Variants in GLIS3 observed in about 807,000 individuals in gnomAD.
GLIS3 encodes zinc finger protein GLIS3.
A neutral mutation model predicts 78.6 loss-of-function variants in GLIS3; 53 were observed. That is an observed-to-expected ratio of 0.67 (90% CI 0.54 to 0.85). GLIS3 has a LOEUF of 0.85. Among genes scored for constraint, GLIS3 ranks in the 40% least tolerant of loss-of-function variants. GLIS3 has a pLI of 0.00. For synonymous variants in GLIS3, 684 were observed against 509.9 expected, an observed-to-expected ratio of 1.34 and a Z score of -4.60; for missense variants, 1,703 against 1,231.1, an observed-to-expected ratio of 1.38 and a Z score of -5.74.
chr9:4,449,885 G>T, the GLIS3 span, among the ~76,000 whole-genome samples: 52 of 150,646 alleles, frequency 3.5e-4, no homozygotes, highest in African/African-American at 1.3e-3. Context: ...CACAAAGATG[G>T]GGAGAAACTA....
intron 2 of GLIS3, among the ~76,000 whole-genome samples, chr9:4,244,408 T>C (rs1030804287): frequency 7.2e-5 from 11 of 152,216 alleles, no homozygotes; most frequent in African/African-American, 2.7e-4. Flanking sequence ...CGTATGCTGT[T>C]AGTATTTACA....
intron 2 of GLIS3, among the ~76,000 whole-genome samples, chr9:4,345,101 CG>C (rs1563940307): frequency 6.6e-6 from 1 of 152,176 alleles, no homozygotes; most frequent in Non-Finnish European, 1.5e-5. Flanking sequence ...TTCAAGTCTC[CG>C]CAAGTTTCCC....
At chr9:4,161,200 G>C (rs537590804) in intron 2 of GLIS3, among the ~76,000 whole-genome samples, 2 of 152,176 alleles carry the variant, frequency 1.3e-5, no homozygotes, top group African/African-American at 2.4e-5. Context: ...TTAAGCCCAG[G>C]AGACCAAGGC....
intron 2 of GLIS3, among the ~76,000 whole-genome samples, chr9:4,156,271 C>A (rs866604477): frequency 2.0e-5 from 3 of 152,094 alleles, no homozygotes; most frequent in Non-Finnish European, 2.9e-5. Flanking sequence ...TATCTTAATT[C>A]TTTAATGCAG....
At chr9:4,242,673 C>T (rs1823428286) in intron 2 of GLIS3, among the ~76,000 whole-genome samples, 1 of 152,198 alleles carries the variant, frequency 6.6e-6, no homozygotes, top group Admixed American at 6.5e-5. Flanking sequence ...AAGCCACTAA[C>T]TGCATGTGGC....
intron 4 of GLIS3, among the ~76,000 whole-genome samples, chr9:3,953,976 G>GT (rs1480028735): frequency 1.3e-5 from 2 of 151,818 alleles, no homozygotes; most frequent in African/African-American, 2.4e-5. Context: ...ACAATACCAC[G>GT]TTTTTTTCCC....
intron 2 of GLIS3, among the ~76,000 whole-genome samples, chr9:4,223,798 T>C (rs1437398694): frequency 6.6e-6 from 1 of 152,126 alleles, no homozygotes; most frequent in Non-Finnish European, 1.5e-5. Flanking sequence ...TGGTTTTGAG[T>C]ACTAAGGATA....
intron 7 of GLIS3, among the ~76,000 whole-genome samples, chr9:3,880,205 G>A (rs1353219998): frequency 6.6e-6 from 1 of 152,200 alleles, no homozygotes; most frequent in African/African-American, 2.4e-5. Flanking sequence ...CATCAAAGGA[G>A]TCTCTCAAAC....
At chr9:4,094,779 CTTATT>C (rs2130772476) in intron 4 of GLIS3, among the ~76,000 whole-genome samples, 1 of 152,272 alleles carries the variant, frequency 6.6e-6, no homozygotes, top group East Asian at 1.9e-4. Flanking sequence ...GATCCGATGG[CTTATT>C]TTAATGTAGC....
chr9:4,316,783 CTTAG>C (rs897685962), intron 2 of GLIS3, among the ~76,000 whole-genome samples: 11 of 152,300 alleles, frequency 7.2e-5, no homozygotes, highest in East Asian at 1.9e-4. Context: ...ACATAATTAT[CTTAG>C]TTATTTTTAT....
At chr9:3,991,245 G>C in intron 4 of GLIS3, among the ~76,000 whole-genome samples, 1 of 152,058 alleles carries the variant, frequency 6.6e-6, no homozygotes, top group East Asian at 1.9e-4. Flanking sequence ...TGTACAAATG[G>C]GTACAATAGT....
At chr9:4,195,499 C>T (rs977294822) in intron 2 of GLIS3, among the ~76,000 whole-genome samples, 30 of 152,348 alleles carry the variant, frequency 2.0e-4, no homozygotes, top group Admixed American at 1.4e-3. Context: ...GCCAGCACCG[C>T]GCTCGAATTC....
chr9:4,078,789 G>A (rs546373640), intron 4 of GLIS3, among the ~76,000 whole-genome samples: 1 of 152,284 alleles, frequency 6.6e-6, no homozygotes, highest in East Asian at 1.9e-4. Context: ...GCTCCAGGCT[G>A]TCCTTTCTTT....
At chr9:4,385,108 A>T in the GLIS3 span, among the ~76,000 whole-genome samples, 2 of 151,970 alleles carry the variant, frequency 1.3e-5, no homozygotes, top group East Asian at 3.9e-4. Context: ...AAAATCTAAC[A>T]CTCCTCAGAA....
intron 8 of GLIS3, among the ~76,000 whole-genome samples, chr9:3,860,741 T>TA (rs1339415760): frequency 6.6e-6 from 1 of 152,166 alleles, no homozygotes; most frequent in Admixed American, 6.5e-5. Context: ...ATTTCAAGCA[T>TA]AAAATAAAGG....
At chr9:4,314,522 GTCT>G (rs1817410993) in intron 2 of GLIS3, among the ~76,000 whole-genome samples, 1 of 152,198 alleles carries the variant, frequency 6.6e-6, no homozygotes, top group African/African-American at 2.4e-5. Context: ...ATGCTATGTG[GTCT>G]TCAGGCAAAA....
chr9:4,299,015 C>T (rs542422035), intron 1 of GLIS3, among the ~76,000 whole-genome samples: 1 of 152,286 alleles, frequency 6.6e-6, no homozygotes, highest in Non-Finnish European at 1.5e-5. Context: ...GTGGGGACTC[C>T]AGAGTGGTGC....
At chr9:4,209,231 T>C (rs754529775) in intron 2 of GLIS3, among the ~76,000 whole-genome samples, 1 of 151,984 alleles carries the variant, frequency 6.6e-6, no homozygotes, top group Non-Finnish European at 1.5e-5. Flanking sequence ...TTACCCTGAG[T>C]TCATCTAGAA....
At chr9:4,186,219 A>G (rs1364739926) in intron 2 of GLIS3, among the ~76,000 whole-genome samples, 1 of 142,740 alleles carries the variant, frequency 7.0e-6, no homozygotes, top group Non-Finnish European at 1.5e-5. Flanking sequence ...TCATTGTTCA[A>G]TTCTCACCTA....
Sources: allele counts gnomAD v4.1 joint callset (sites outside exome capture counted in the v4.1 genomes callset), GRCh38; gene constraint gnomAD v4.1.1; transcripts MANE v1.5; gene names NCBI Gene and HGNC (gene_info 2026-07-23, HGNC 2026-07-21).